Variants in DTNB observed in about 807,000 individuals in gnomAD.
DTNB encodes dystrobrevin beta, also known as DTN-B.
A neutral mutation model predicts 90.7 loss-of-function variants in DTNB; 63 were observed. That is an observed-to-expected ratio of 0.69 (90% CI 0.57 to 0.86). The LOEUF is 0.86. Among genes scored for constraint, DTNB ranks in the 40% least tolerant of loss-of-function variants. The pLI, the probability that DTNB is intolerant of heterozygous loss-of-function variation, is 0.00. For missense variants in DTNB, 744 were observed against 807.1 expected, an observed-to-expected ratio of 0.92 and a Z score of 0.95; for synonymous variants, 277 against 286.7, an observed-to-expected ratio of 0.97 and a Z score of 0.34.
chr2:25,448,556 G>T (rs2058763915), intron 12 of DTNB, among the ~76,000 whole-genome samples: 1 of 152,030 alleles, frequency 6.6e-6, no homozygotes, highest in Non-Finnish European at 1.5e-5. Flanking sequence ...ATAATACTTA[G>T]ATCTTAAGTA....
chr2:25,534,720 C>T (rs994265911), intron 8 of DTNB, among the ~76,000 whole-genome samples: 6 of 142,378 alleles, frequency 4.2e-5, no homozygotes, highest in South Asian at 4.7e-4. Flanking sequence ...TGGGCAGAGG[C>T]GTTCCTCACA....
intron 8 of DTNB, among the ~76,000 whole-genome samples, chr2:25,563,728 T>C (rs6716316): frequency 1.0e-3 from 158 of 152,296 alleles, no homozygotes; most frequent in African/African-American, 3.6e-3. Flanking sequence ...CTCCATTGGA[T>C]GGTCATCACC....
chr2:25,480,828 G>A (rs2064789718), intron 10 of DTNB, among the ~76,000 whole-genome samples: 1 of 152,130 alleles, frequency 6.6e-6, no homozygotes, highest in Non-Finnish European at 1.5e-5. Context: ...CTGGAGTCTG[G>A]GTTTGAATGC....
chr2:25,673,169 G>A (rs1559469379), intron 1 of DTNB, among the ~76,000 whole-genome samples: 1 of 151,596 alleles, frequency 6.6e-6, no homozygotes, highest in Non-Finnish European at 1.5e-5. Context: ...CCCTCTGCCT[G>A]TCCCTCCGGG....
At position 25,419,534 on chromosome 2, in the gene DTNB, T is replaced by A. The variant is rs2048837222; in HGVS notation, c.1556A>T (p.Glu519Val). 1 of 1,556,424 alleles carries A rather than the reference T, an allele frequency of 6.4e-7. No individual in the cohort carries two copies. The highest frequency in any genetic ancestry group is 8.7e-7 in the Non-Finnish European group (1 of 1,149,804). ...QLEELMKLLK[E>V]EEQKQAAQAT... ...ACTTACTGCCTGCTTTTGCTCTTCC[T>A]CCTGGAGTGTTGAAGATGAAAAAAA... is the stretch of plus-strand genomic sequence containing the variant. The change falls in exon 16 of 21, where the codon GAG becomes GTG. Residue 519 changes from glutamate (E) to valine (V), a missense_variant and splice_region_variant. Coordinates refer to ENST00000406818, the MANE Select transcript of DTNB (RefSeq NM_021907.5).
chr2:25,609,840 A>C (rs1383836877), intron 4 of DTNB, among the ~76,000 whole-genome samples: 3 of 152,074 alleles, frequency 2.0e-5, no homozygotes, highest in Non-Finnish European at 4.4e-5. Flanking sequence ...AGAACCACTG[A>C]CCCAAAACAA....
At chr2:25,395,471 TAC>T (rs1387391455) in intron 16 of DTNB, among the ~76,000 whole-genome samples, 1 of 151,150 alleles carries the variant, frequency 6.6e-6, no homozygotes, top group African/African-American at 2.4e-5. Flanking sequence ...AATACATAAA[TAC>T]ACATAAATAT....
At chr2:25,588,736 A>G (rs2062939326) in intron 6 of DTNB, among the ~76,000 whole-genome samples, 1 of 152,216 alleles carries the variant, frequency 6.6e-6, no homozygotes, top group Non-Finnish European at 1.5e-5. Context: ...ACAACAAATG[A>G]TCAGCTATGA....
intron 1 of DTNB, among the ~76,000 whole-genome samples, chr2:25,657,495 G>A (rs2082284233): frequency 6.6e-6 from 1 of 152,186 alleles, no homozygotes; most frequent in Non-Finnish European, 1.5e-5. Context: ...GAGGTGGGCA[G>A]ATCACTTCAG....
intron 8 of DTNB, among the ~76,000 whole-genome samples, chr2:25,567,354 A>G (rs763708155): frequency 1.1e-4 from 16 of 152,214 alleles, no homozygotes; most frequent in Non-Finnish European, 2.2e-4. Context: ...TCTGACCAAG[A>G]TAAGTCAACA....
intron 9 of DTNB, among the ~76,000 whole-genome samples, chr2:25,524,745 C>T (rs1196536709): frequency 1.3e-5 from 2 of 152,124 alleles, no homozygotes; most frequent in African/African-American, 4.8e-5. Flanking sequence ...GATGGTGGAG[C>T]CACAAGAGTA....
At chr2:25,403,905 T>C (rs1475236873) in intron 16 of DTNB, among the ~76,000 whole-genome samples, 2 of 152,162 alleles carry the variant, frequency 1.3e-5, no homozygotes, top group Non-Finnish European at 2.9e-5. Context: ...TAGCTGGGAG[T>C]ACAGGCGTGT....
At chr2:25,440,831 A>G (rs984486275) in intron 12 of DTNB, among the ~76,000 whole-genome samples, 1 of 152,194 alleles carries the variant, frequency 6.6e-6, no homozygotes, top group Non-Finnish European at 1.5e-5. Flanking sequence ...CAAATTCTTG[A>G]AAACAATCAC....
At chr2:25,445,463 TG>T (rs2150080469) in intron 12 of DTNB, among the ~76,000 whole-genome samples, 1 of 152,334 alleles carries the variant, frequency 6.6e-6, no homozygotes, top group East Asian at 1.9e-4. Context: ...AGTTACTTTT[TG>T]GGGGAGAAAC....
At chr2:25,383,588 T>C in intron 19 of DTNB, 7 of 686,622 alleles carry the variant, frequency 1.0e-5, no homozygotes, top group South Asian at 2.0e-5. Context: ...TCTACTTGTA[T>C]CTACTTCCTG....
intron 16 of DTNB, chr2:25,388,630 G>C: frequency 2.5e-6 from 1 of 406,618 alleles, no homozygotes; most frequent in Non-Finnish European, 4.4e-6. Flanking sequence ...GGCACAGAGT[G>C]GTGGAGACAG....
intron 9 of DTNB, among the ~76,000 whole-genome samples, chr2:25,487,905 C>A (rs190696310): frequency 6.6e-6 from 1 of 152,274 alleles, no homozygotes; most frequent in Admixed American, 6.5e-5. Flanking sequence ...ATATTGCAGG[C>A]AGCAGGAGAA....
At chr2:25,404,930 A>AT (rs901379539) in intron 16 of DTNB, among the ~76,000 whole-genome samples, 24 of 151,930 alleles carry the variant, frequency 1.6e-4, no homozygotes, top group African/African-American at 5.1e-4. Context: ...CACCATTATT[A>AT]TTTTTTTTGT....
At chr2:25,511,545 T>C (rs1191412120) in intron 9 of DTNB, among the ~76,000 whole-genome samples, 4 of 152,180 alleles carry the variant, frequency 2.6e-5, no homozygotes, top group Admixed American at 2.6e-4. Context: ...TTGGTCAGGC[T>C]GGTCTCGAAC....
Sources: allele counts gnomAD v4.1 joint callset (sites outside exome capture counted in the v4.1 genomes callset), GRCh38; gene constraint gnomAD v4.1.1; transcripts MANE v1.5; gene names NCBI Gene and HGNC (gene_info 2026-07-23, HGNC 2026-07-21).